Variants in THSD7B observed in about 807,000 individuals in gnomAD.
THSD7B encodes the protein thrombospondin type 1 domain containing 7B.
A neutral mutation model predicts 213.6 loss-of-function variants in THSD7B; 138 were observed. That is an observed-to-expected ratio of 0.65 (90% CI 0.56 to 0.74). The LOEUF is 0.74. THSD7B is among the 30% of genes least tolerant of loss of function. The probability of loss-of-function intolerance (pLI) is 0.00; values close to 1 mark genes in which losing one functional copy is unlikely to be tolerated. For synonymous variants in THSD7B, 742 were observed against 687.0 expected (o/e 1.08, Z -1.25); for missense variants, 1,931 against 1,991.5 (o/e 0.97, Z 0.58).
intron 2 of THSD7B, among the ~76,000 whole-genome samples, chr2:136,946,243 G>T (rs986601455): frequency 2.6e-5 from 4 of 152,144 alleles, no homozygotes; most frequent in African/African-American, 9.7e-5. Flanking sequence ...CTGTTGGAGT[G>T]TGCTGGAGGT....
intron 2 of THSD7B, among the ~76,000 whole-genome samples, chr2:136,928,512 A>G (rs576396012): frequency 1.3e-5 from 2 of 152,336 alleles, no homozygotes; most frequent in South Asian, 4.1e-4. Context: ...TAATAAGATG[A>G]TGTGACTGTA....
intron 17 of THSD7B, among the ~76,000 whole-genome samples, chr2:137,580,684 G>C (rs1287128084): frequency 6.6e-6 from 1 of 152,196 alleles, no homozygotes; most frequent in Non-Finnish European, 1.5e-5. Context: ...ATAAGAAAGA[G>C]GTTTAATTGG....
At chr2:137,374,310 G>T (rs1162683568) in intron 12 of THSD7B, among the ~76,000 whole-genome samples, 1 of 152,060 alleles carries the variant, frequency 6.6e-6, no homozygotes, top group East Asian at 1.9e-4. Context: ...TCTCTATTCT[G>T]CCTTAAAATT....
At chr2:137,455,323 G>A (rs1687742526) in intron 15 of THSD7B, among the ~76,000 whole-genome samples, 1 of 152,118 alleles carries the variant, frequency 6.6e-6, no homozygotes, top group African/African-American at 2.4e-5. Context: ...TCTCAAAAAT[G>A]TGAGCTCTTC....
chr2:137,585,980 TG>T (rs1558849832), intron 17 of THSD7B, among the ~76,000 whole-genome samples: 1 of 152,182 alleles, frequency 6.6e-6, no homozygotes, highest in Non-Finnish European at 1.5e-5. Flanking sequence ...TAAGTCTCTT[TG>T]TAGGTCTCTA....
At chr2:136,916,895 G>T (rs989281644) in intron 2 of THSD7B, among the ~76,000 whole-genome samples, 9 of 152,134 alleles carry the variant, frequency 5.9e-5, no homozygotes, top group Admixed American at 1.3e-4. Flanking sequence ...TTTAGTCTTG[G>T]CATTGAACTT....
intron 18 of THSD7B, among the ~76,000 whole-genome samples, chr2:137,616,571 A>G (rs1426018329): frequency 9.2e-5 from 14 of 152,208 alleles, no homozygotes; most frequent in Admixed American, 9.2e-4. Flanking sequence ...CATTTCAGCA[A>G]AATGTTGATT....
chr2:137,459,810 A>G (rs1687848302), intron 15 of THSD7B, among the ~76,000 whole-genome samples: 1 of 152,258 alleles, frequency 6.6e-6, no homozygotes, highest in Middle Eastern at 3.4e-3. Context: ...AGACTGTTAC[A>G]AAAACAGCTT....
intron 15 of THSD7B, among the ~76,000 whole-genome samples, chr2:137,544,318 A>G (rs757340418): frequency 1.3e-4 from 19 of 151,816 alleles, no homozygotes. Flanking sequence ...TGAAAATATT[A>G]TGCTAAATGA....
chr2:137,194,135 A>C lies in THSD7B; in HGVS notation c.1723+23197A>C, dbSNP rs954477395. ...ACCACACAAAATCCATAATCCCAGC[A>C]TAACTGGAACATGGAGAAAACCCAT... On this transcript the variant is annotated intron_variant, in intron 7 of 27. Coordinates refer to ENST00000409968, the MANE Select transcript of THSD7B (RefSeq NM_001316349.2). Among the ~76,000 whole-genome samples, 4 of 152,220 alleles carry C rather than the reference A, an allele frequency of 2.6e-5. No homozygotes were observed. The East Asian group carries it at 7.7e-4, about 29-fold the overall frequency.
chr2:137,193,155 C>A (rs1052238905), intron 7 of THSD7B, among the ~76,000 whole-genome samples: 6 of 152,246 alleles, frequency 3.9e-5, no homozygotes, highest in Non-Finnish European at 8.8e-5. Context: ...GTCCAGTAAC[C>A]TGATGAGTCA....
intron 14 of THSD7B, among the ~76,000 whole-genome samples, chr2:137,417,138 A>G (rs1228376779): frequency 6.6e-6 from 1 of 152,240 alleles, no homozygotes. Context: ...ACAAAGCAAA[A>G]TAATCATCAT....
In THSD7B at chr2:136,816,867, CA is replaced by C. The variant is rs1263418850; in HGVS notation, c.-36+51181del. The stretch of plus-strand genomic sequence containing the variant: ...GCTAGGTGAATAAGAATCTTTATTC[CA>C]TTGTTTTCTATGGGGTATTGCTGGT... On this transcript the variant is annotated intron_variant, in intron 1 of 27. Transcript: ENST00000409968. Among the ~76,000 whole-genome samples, 18 of 152,128 alleles carry C rather than the reference CA, an allele frequency of 1.2e-4. 1 individual carries two copies. The highest frequency in any genetic ancestry group is 8.3e-4 in the South Asian group (4 of 4,808).
chr2:137,302,824 A>G lies in THSD7B; in HGVS notation c.2500+26798A>G, dbSNP rs1029529164. On this transcript the variant is annotated intron_variant, in intron 12 of 27. Coordinates refer to ENST00000409968, the MANE Select transcript of THSD7B (RefSeq NM_001316349.2). The stretch of plus-strand genomic sequence containing the variant: ...ATTTTTAGAAAACTTTTCTGTATTA[A>G]AAACGAAGTCATGACCATTTTAAAA... Among the ~76,000 whole-genome samples, 11 of 152,290 alleles carry G rather than the reference A, an allele frequency of 7.2e-5. No homozygotes were observed. The East Asian group carries it at 2.1e-3, about 29-fold the overall frequency.
chr2:136,898,078 A>T (rs1487652434), intron 2 of THSD7B, among the ~76,000 whole-genome samples: 2 of 152,230 alleles, frequency 1.3e-5, no homozygotes, highest in African/African-American at 4.8e-5. Context: ...TGATCAGTGC[A>T]TTTACAGTCC....
rs370421165 is a variant in THSD7B, at chr2:137,292,322, A to G, written c.2500+16296A>G. Among the ~76,000 whole-genome samples, 186 of 152,288 alleles carry G rather than the reference A, an allele frequency of 1.2e-3. 1 individual carries two copies. Among genetic ancestry groups the G allele is most frequent in the African/African-American group, 4.2e-3 (176 of 41,592 alleles). ...CTTTTTTAGAGAATCATTTGTTTCA[A>G]CATATGGGTCCAAGGCACTTCAGAA... On this transcript the variant is annotated intron_variant, in intron 12 of 27. Transcript: ENST00000409968.
At chr2:137,270,167 T>C (rs1015071922) in intron 10 of THSD7B, among the ~76,000 whole-genome samples, 7 of 89,652 alleles carry the variant, frequency 7.8e-5, no homozygotes, top group Admixed American at 1.4e-4. Context: ...TGTGAGGCAA[T>C]ACAGAGATGG....
At chr2:137,222,882 G>A (rs1681402420) in intron 7 of THSD7B, among the ~76,000 whole-genome samples, 1 of 152,200 alleles carries the variant, frequency 6.6e-6, no homozygotes, top group African/African-American at 2.4e-5. Flanking sequence ...CAGAAAGGAG[G>A]AGCCTGGGGA....
At chr2:136,993,247 G>A (rs755688546) in intron 2 of THSD7B, among the ~76,000 whole-genome samples, 1 of 152,166 alleles carries the variant, frequency 6.6e-6, no homozygotes, top group East Asian at 1.9e-4. Context: ...CATTTCTTAG[G>A]CATCTCCATT....
Sources: allele counts gnomAD v4.1 joint callset (sites outside exome capture counted in the v4.1 genomes callset), GRCh38; gene constraint gnomAD v4.1.1; transcripts MANE v1.5; gene names NCBI Gene and HGNC (gene_info 2026-07-23, HGNC 2026-07-21).